ARHGEF18: variants seen among roughly 807,000 people sequenced by gnomAD.
ARHGEF18 encodes the protein Rho/Rac guanine nucleotide exchange factor 18, also known as rho guanine nucleotide exchange factor 18.
Under a neutral mutation model 155.7 loss-of-function variants are expected in ARHGEF18, and 93 were observed. That is an observed-to-expected ratio of 0.60 (90% CI 0.50 to 0.71). ARHGEF18 has a LOEUF of 0.71. Among genes scored for constraint, ARHGEF18 ranks in the 30% least tolerant of loss-of-function variants. ARHGEF18 has a pLI of 0.00. For missense variants in ARHGEF18, 1,593 were observed against 1,816.1 expected (o/e 0.88, Z 2.23); for synonymous variants, 742 against 753.1 (o/e 0.99, Z 0.24).
At chr19:7,406,348 G>T (rs1972306974) in intron 10 of ARHGEF18, among the ~76,000 whole-genome samples, 1 of 152,116 alleles carries the variant, frequency 6.6e-6, no homozygotes, top group African/African-American at 2.4e-5. Context: ...GCCTCCCAAA[G>T]TGCTGGGATT....
At chr19:7,453,936 A>G (rs962780246) in intron 17 of ARHGEF18, among the ~76,000 whole-genome samples, 1 of 151,596 alleles carries the variant, frequency 6.6e-6, no homozygotes, top group Non-Finnish European at 1.5e-5. Context: ...CCCATTTTTT[A>G]TTGGTGGGTG....
chr19:7,414,764 G>A (rs555308783), intron 10 of ARHGEF18, among the ~76,000 whole-genome samples: 3 of 151,902 alleles, frequency 2.0e-5, no homozygotes, highest in South Asian at 2.1e-4. Flanking sequence ...AGCTGAGATC[G>A]CGCCATTGCA....
At chr19:7,390,598 CG>C (rs2145505526) in intron 10 of ARHGEF18, 1 of 152,022 alleles carries the variant, frequency 6.6e-6, no homozygotes, top group East Asian at 1.9e-4. Flanking sequence ...CTGGTACACA[CG>C]GGCAATGGTA....
At chr19:7,468,305 G>T (rs1404323769) in intron 26 of ARHGEF18, among the ~76,000 whole-genome samples, 1 of 152,036 alleles carries the variant, frequency 6.6e-6, no homozygotes, top group Non-Finnish European at 1.5e-5. Context: ...AGCTACTCGG[G>T]AGGCTGAGGC....
In ARHGEF18 at chr19:7,440,255, G is replaced by A. The variant is rs751678160; in HGVS notation, c.968-89G>A. Reference sequence around the variant, plus strand: ...CCTCCAAGATCCTGTCTGTGCTGCGGCCGCAGTCGGAGCGGGGCTTCCGCG... The same window carrying A: ...CCTCCAAGATCCTGTCTGTGCTGCGACCGCAGTCGGAGCGGGGCTTCCGCG... On this transcript the variant is annotated intron_variant, in intron 10 of 28. Coordinates refer to ENST00000668164, the MANE Select transcript of ARHGEF18 (RefSeq NM_001367823.1). This position sits in a 1 kb window ranked among gnomAD's most constrained non-coding sequence, Gnocchi z 5.4. 3 of 1,554,282 alleles carry A rather than the reference G, an allele frequency of 1.9e-6. No homozygotes were observed. Among genetic ancestry groups the A allele is most frequent in the South Asian group, 1.2e-5 (1 of 84,560 alleles).
intron 1 of ARHGEF18, chr19:7,355,851 A>C (rs1032703091): frequency 3.1e-6 from 1 of 325,866 alleles, no homozygotes; most frequent in African/African-American, 2.2e-5. Flanking sequence ...CTGATTCTCC[A>C]GGGCCCCCTG....
At chr19:7,431,891 G>A (rs553110217) in intron 10 of ARHGEF18, among the ~76,000 whole-genome samples, 36 of 152,316 alleles carry the variant, frequency 2.4e-4, no homozygotes, top group South Asian at 1.9e-3. Flanking sequence ...CTGTTGCTAC[G>A]AATTACCACA....
At chr19:7,442,177 TTTTC>T (rs1177002523) in intron 13 of ARHGEF18, 125 bp downstream of exon 13, 72 of 1,045,890 alleles carry the variant, frequency 6.9e-5, no homozygotes, top group African/African-American at 8.5e-5. Flanking sequence ...TTCCTTATCT[TTTTC>T]TTTCTTTCTT....
chr19:7,397,196 T>C (rs1045913120), intron 10 of ARHGEF18, among the ~76,000 whole-genome samples: 2 of 151,922 alleles, frequency 1.3e-5, no homozygotes, highest in African/African-American at 4.8e-5. Flanking sequence ...TAAACGTTAC[T>C]TTGTTTTGGT....
At chr19:7,451,383 G>C (rs1346661677) in intron 16 of ARHGEF18, 117 bp downstream of exon 16, 22 of 761,158 alleles carry the variant, frequency 2.9e-5, no homozygotes, top group Non-Finnish European at 8.2e-6. Flanking sequence ...AATCCAGTTT[G>C]CTGGGTGCTG....
At chr19:7,417,235 G>A (rs973916946) in intron 10 of ARHGEF18, among the ~76,000 whole-genome samples, 10 of 152,060 alleles carry the variant, frequency 6.6e-5, no homozygotes, top group African/African-American at 1.4e-4. Context: ...TAAACAAGGT[G>A]GCCTCTGGGG....
In ARHGEF18 at chr19:7,440,320, A is replaced by G. The variant is rs758121824; in HGVS notation, c.968-24A>G. ...TACCCGACCCACTTTCTCAGCACCA[A>G]CTCTGTCCTTGCCTCTGTCACAGCC... On this transcript the variant is annotated intron_variant, in intron 10 of 28. Transcript: ENST00000668164. This position sits in a 1 kb window ranked among gnomAD's most constrained non-coding sequence, Gnocchi z 5.4. 2.3e-5 allele frequency: 37 copies of G among 1,607,806 alleles called. No individual in the cohort carries two copies. Among genetic ancestry groups the G allele is most frequent in the Middle Eastern group, 3.3e-4 (2 of 6,076 alleles).
chr19:7,425,968 C>G (rs768736327), intron 10 of ARHGEF18, among the ~76,000 whole-genome samples: 2 of 152,062 alleles, frequency 1.3e-5, no homozygotes, highest in African/African-American at 2.4e-5. Context: ...CCACTGCACT[C>G]CAGCCTGGGC....
At chr19:7,457,153 C>T (rs1413345824) in intron 18 of ARHGEF18, among the ~76,000 whole-genome samples, 3 of 152,150 alleles carry the variant, frequency 2.0e-5, no homozygotes, top group Admixed American at 6.5e-5. Flanking sequence ...GGCTGAAAGT[C>T]CAAGATGAAG....
rs140322042 is a variant in ARHGEF18, at chr19:7,421,782, C to G, written c.968-18562C>G. The stretch of plus-strand genomic sequence containing the variant: ...GCCTCAAAAATAAAGAAATAGGTGT[C>G]CCCAGCCTTGATGATGGCCCTGACT... On this transcript the variant is annotated intron_variant, in intron 10 of 28. Transcript: ENST00000668164. Among the ~76,000 whole-genome samples the G allele has an allele frequency of 7.7e-3, 1,171 of 152,106 alleles. 13 individuals are homozygous for G. The highest frequency in any genetic ancestry group is 0.027 in the African/African-American group (1,121 of 41,516).
intron 13 of ARHGEF18, among the ~76,000 whole-genome samples, chr19:7,442,703 G>GCT (rs1211001236): frequency 6.6e-6 from 1 of 152,206 alleles, no homozygotes; most frequent in African/African-American, 2.4e-5. Flanking sequence ...TATATAGGCA[G>GCT]CTCTCATAGA....
intron 11 of ARHGEF18, among the ~76,000 whole-genome samples, chr19:7,441,107 C>T (rs1422993058): frequency 6.6e-6 from 1 of 151,394 alleles, no homozygotes; most frequent in African/African-American, 2.4e-5. Flanking sequence ...CGTAACTAAA[C>T]ATTAAAGGAA....
At chr19:7,417,060 C>T (rs1188223553) in intron 10 of ARHGEF18, among the ~76,000 whole-genome samples, 1 of 152,104 alleles carries the variant, frequency 6.6e-6, no homozygotes, top group African/African-American at 2.4e-5. Context: ...CAGGCACGCA[C>T]CACCACACCT....
intron 10 of ARHGEF18, among the ~76,000 whole-genome samples, chr19:7,433,531 A>AAC (rs1974087859): frequency 6.6e-6 from 1 of 150,748 alleles, no homozygotes; most frequent in Non-Finnish European, 1.5e-5. Flanking sequence ...AAAAAAAAAA[A>AAC]AGTGTATCAG....
Sources: allele counts gnomAD v4.1 joint callset (sites outside exome capture counted in the v4.1 genomes callset), GRCh38; gene constraint gnomAD v4.1.1; non-coding constraint Gnocchi (gnomAD v3.1); transcripts MANE v1.5; gene names NCBI Gene and HGNC (gene_info 2026-07-23, HGNC 2026-07-21).